PRR14L: variants seen among roughly 807,000 people sequenced by gnomAD.
PRR14L encodes the protein protein PRR14L.
PRR14L carries 80 observed loss-of-function variants against 155.0 expected under a neutral mutation model. The observed-to-expected ratio is 0.52, with a 90% CI of 0.43 to 0.62. The LOEUF (loss-of-function observed/expected upper bound fraction) is 0.62, where lower values mean the gene tolerates loss of function less well. Among genes scored for constraint, PRR14L ranks in the 20% least tolerant of loss-of-function variants. PRR14L has a pLI of 0.00. For synonymous variants in PRR14L, 883 were observed against 916.0 expected, an observed-to-expected ratio of 0.96 and a Z score of 0.65; for missense variants, 2,469 against 2,548.0, an observed-to-expected ratio of 0.97 and a Z score of 0.67.
At position 31,728,742 on chromosome 22, in the gene PRR14L, A is replaced by T. The variant is rs138278; in HGVS notation, c.475-3132T>A. 4.8e-3 allele frequency among the ~76,000 whole-genome samples: 723 copies of T among 151,384 alleles called. 5 individuals carry two copies. The highest frequency in any genetic ancestry group is 6.8e-3 in the Non-Finnish European group (461 of 67,832). Reference sequence around the variant, plus strand: ...AAAAAAAAAAAAAAAAAAATTCTGAACTTTTTCTGTGTCTGAGTTGAATAC... The same window carrying T: ...AAAAAAAAAAAAAAAAAAATTCTGATCTTTTTCTGTGTCTGAGTTGAATAC... On this transcript the variant is annotated intron_variant, in intron 2 of 8. Transcript: ENST00000327423.
intron 2 of PRR14L, among the ~76,000 whole-genome samples, chr22:31,737,304 A>AGCCCTATCTC (rs2074787615): frequency 6.6e-6 from 1 of 151,816 alleles, no homozygotes; most frequent in Non-Finnish European, 1.5e-5. Flanking sequence ...AACATGGTGA[A>AGCCCTATCTC]GCCCTATCTC....
chr22:31,695,164 G>A (rs756525049), intron 7 of PRR14L, among the ~76,000 whole-genome samples: 12 of 152,160 alleles, frequency 7.9e-5, no homozygotes, highest in Admixed American at 1.3e-4. Context: ...TTTGTGAAGC[G>A]AATAATGTAT....
chr22:31,742,038 C>T (rs1199584277), intron 1 of PRR14L, among the ~76,000 whole-genome samples: 1 of 152,058 alleles, frequency 6.6e-6, no homozygotes, highest in African/African-American at 2.4e-5. Flanking sequence ...CGTGGAGTTG[C>T]TATTTGATGC....
intron 5 of PRR14L, 62 bp from the exon 6 acceptor site, chr22:31,703,783 ACTT>A (rs1016376839): frequency 2.7e-5 from 29 of 1,064,150 alleles, no homozygotes; most frequent in African/African-American, 5.0e-5. Context: ...AGCACATTCA[ACTT>A]CTTCTTCTTC....
At chr22:31,704,467 C>T (rs1438691324) in intron 5 of PRR14L, 188 bp downstream of exon 5, 3 of 436,872 alleles carry the variant, frequency 6.9e-6, no homozygotes, top group South Asian at 3.8e-5. Flanking sequence ...ATTACACATT[C>T]CTAGTTGCTG....
chr22:31,704,419 T>A (rs1328415285), intron 5 of PRR14L: 2 of 377,470 alleles, frequency 5.3e-6, no homozygotes, highest in African/African-American at 4.2e-5. Context: ...ATAAGCTGGT[T>A]AGTGATTTTC....
Position 31,712,927 on chromosome 22 carries a change from G to A in PRR14L, c.4912C>T (p.Arg1638Ter), listed in dbSNP as rs1360298382. 4 of 1,551,824 alleles carry A rather than the reference G, an allele frequency of 2.6e-6. No individual in the cohort carries two copies. Among genetic ancestry groups the A allele is most frequent in the Non-Finnish European group, 2.6e-6 (3 of 1,147,022 alleles). ...PAMKTQKLRY[R>*]RCSSELLPMA... ...GGAAGAAGTTCAGAGGAACACCGTC[G>A]GTATCTTAGCTTCTGAGTCTTCATG... Residue 1638 changes from arginine to a stop codon, truncating the protein, a stop_gained, in exon 4 of 9, where the codon CGA becomes TGA. Transcript: ENST00000327423. LOFTEE classifies it high-confidence loss of function.
At chr22:31,718,198 G>A (rs2074670569) in intron 3 of PRR14L, among the ~76,000 whole-genome samples, 1 of 151,706 alleles carries the variant, frequency 6.6e-6, no homozygotes, top group Non-Finnish European at 1.5e-5. Context: ...AAAGTGCTGA[G>A]ACTACAGGCA....
chr22:31,688,925 C>A (rs542097831), intron 7 of PRR14L, among the ~76,000 whole-genome samples: 23 of 151,356 alleles, frequency 1.5e-4, no homozygotes, highest in Admixed American at 6.6e-4. Context: ...CACACACACA[C>A]AAAAACCCTT....
chr22:31,707,436 A>T (rs2074598188), intron 4 of PRR14L, among the ~76,000 whole-genome samples: 1 of 152,148 alleles, frequency 6.6e-6, no homozygotes, highest in Non-Finnish European at 1.5e-5. Flanking sequence ...GCTGGAGTGC[A>T]GTGGCGTGAT....
rs368009941 is a variant in PRR14L, at chr22:31,693,910, T to A, written c.6108-5683A>T. 3.7e-4 allele frequency among the ~76,000 whole-genome samples: 57 copies of A among 152,350 alleles called. 2 individuals carry two copies. In the South Asian group the frequency reaches 0.011, roughly 28 times the overall value. On this transcript the variant is annotated intron_variant, in intron 7 of 8. Transcript: ENST00000327423. ...ATTCTGTACAGTTCTACTTTAAATG[T>A]AGTTGGTTATTTTTAAGTATATCTT...
intron 1 of PRR14L, among the ~76,000 whole-genome samples, chr22:31,740,013 G>C (rs2074803879): frequency 6.6e-6 from 1 of 151,928 alleles, no homozygotes; most frequent in Non-Finnish European, 1.5e-5. Flanking sequence ...AAAAAAATCT[G>C]CTTTGACCTG....
chr22:31,733,872 G>C (rs912619859), intron 2 of PRR14L, among the ~76,000 whole-genome samples: 3 of 151,760 alleles, frequency 2.0e-5, no homozygotes, highest in African/African-American at 7.3e-5. Flanking sequence ...AATTACACGA[G>C]GCTGACCATC....
chr22:31,734,492 C>A (rs2074767960), intron 2 of PRR14L, among the ~76,000 whole-genome samples: 1 of 152,176 alleles, frequency 6.6e-6, no homozygotes, highest in Admixed American at 6.6e-5. Context: ...AAATGGTATG[C>A]AAGTGGTATG....
intron 4 of PRR14L, among the ~76,000 whole-genome samples, chr22:31,710,626 T>C (rs1393096904): frequency 6.6e-6 from 1 of 152,030 alleles, no homozygotes; most frequent in African/African-American, 2.4e-5. Flanking sequence ...CTAATTTTTT[T>C]TGTATTTTTA....
chr22:31,701,778 A>G lies in PRR14L; in HGVS notation c.6001-16T>C. ...CTGGCTCAGCCTATTTTTAAGGATT[A>G]AGAAGAAAGATGGTCAAGCTGTAAG... On this transcript the variant is annotated splice_polypyrimidine_tract_variant and intron_variant, in intron 6 of 8. Coordinates refer to ENST00000327423, the MANE Select transcript of PRR14L (RefSeq NM_173566.3). 6.3e-7 allele frequency: 1 copy of G among 1,574,814 alleles called. No homozygotes were observed. Among genetic ancestry groups the G allele is most frequent in the South Asian group, 1.1e-5 (1 of 89,432 alleles).
chr22:31,739,855 T>C (rs1173639164), intron 1 of PRR14L, among the ~76,000 whole-genome samples: 1 of 152,200 alleles, frequency 6.6e-6, no homozygotes. Context: ...AACACACACA[T>C]ACTCAGGGCC....
At chr22:31,748,646 TG>T (rs145261972) in intron 1 of PRR14L, among the ~76,000 whole-genome samples, 2,265 of 152,052 alleles carry the variant, frequency 0.015, 57 homozygotes, top group African/African-American at 0.053. Context: ...ATCGCCCACT[TG>T]GGGGGGTGGG....
Position 31,712,203 on chromosome 22 carries a change from T to A in PRR14L, c.5636A>T (p.Tyr1879Phe), listed in dbSNP as rs1216909676. The part of the protein sequence containing the change: ...IADKVFCSLP[Y>F]SVGRVLSIWS... Reference sequence around the variant, plus strand: ...AATGGATAGGACTCTGCCCACCGAGTAGGGCAGAGAACAGAAGACCTTGTC... The same window carrying A: ...AATGGATAGGACTCTGCCCACCGAGAAGGGCAGAGAACAGAAGACCTTGTC... Residue 1879 changes from tyrosine to phenylalanine, a missense_variant, in exon 4 of 9, where the codon TAC (tyrosine) becomes TTC (phenylalanine). Coordinates refer to ENST00000327423, the MANE Select transcript of PRR14L (RefSeq NM_173566.3). 6.2e-7 allele frequency: 1 copy of A among 1,613,490 alleles called. No individual in the cohort carries two copies. The highest frequency in any genetic ancestry group is 1.3e-5 in the African/African-American group (1 of 74,850).
Sources: allele counts gnomAD v4.1 joint callset (sites outside exome capture counted in the v4.1 genomes callset), GRCh38; gene constraint gnomAD v4.1.1; transcripts MANE v1.5; gene names NCBI Gene and HGNC (gene_info 2026-07-23, HGNC 2026-07-21).